Variants in LYST observed in about 807,000 individuals in gnomAD.
LYST encodes the protein lysosomal trafficking regulator.
A neutral mutation model predicts 413.6 loss-of-function variants in LYST; 192 were observed. The observed-to-expected ratio is 0.46, with a 90% CI of 0.41 to 0.52. LYST has a LOEUF of 0.52. Ranked by LOEUF, LYST falls within the 20% of genes least tolerant of loss-of-function variation. The pLI, the probability that LYST is intolerant of heterozygous loss-of-function variation, is 0.00. For missense variants in LYST, 3,815 were observed against 4,499.9 expected (o/e 0.85, Z 4.35); for synonymous variants, 1,525 against 1,567.3 (o/e 0.97, Z 0.64).
intron 44 of LYST, 116 bp from the exon 45 acceptor site, chr1:235,703,093 T>A (rs977663681): frequency 7.6e-6 from 6 of 792,042 alleles, no homozygotes; most frequent in Non-Finnish European, 1.3e-5. Flanking sequence ...GAAAAAATGC[T>A]TTTGTTCAGG....
Position 235,828,956 on chromosome 1 carries a change from G to GCA in LYST, c.192+1268_192+1269dup, listed in dbSNP as rs987700350. 31 of 581,498 alleles carry GCA rather than the reference G, an allele frequency of 5.3e-5. No homozygotes were observed. In the African/African-American group the frequency reaches 6.3e-4, roughly 12 times the overall value. 36.0% of individuals were successfully genotyped at this position (581,498 alleles called of 1,614,324 possible). On this transcript the variant is annotated intron_variant, in intron 3 of 52. Coordinates refer to ENST00000389793, the MANE Select transcript of LYST (RefSeq NM_000081.4). ...GCAGTGGCTCACACCTGTAATCCCA[G>GCA]CACTTTGGGAGGCCAACGGGGGTAG...
At chr1:235,817,065 C>A (rs1034223307) in intron 3 of LYST, among the ~76,000 whole-genome samples, 3 of 151,852 alleles carry the variant, frequency 2.0e-5, no homozygotes, top group Non-Finnish European at 4.4e-5. Flanking sequence ...CCAAAGGACA[C>A]GAACAGACAC....
At position 235,804,611 on chromosome 1, in the gene LYST, T is replaced by C. The variant is rs764453675; in HGVS notation, c.3448A>G (p.Lys1150Glu). The change falls in exon 7 of 53, where the codon AAG (lysine) becomes GAG (glutamate). Residue 1150 changes from lysine (K) to glutamate (E), a missense_variant. Lys to Glu is a moderately conservative substitution (Grantham distance 56, BLOSUM62 1). Transcript: ENST00000389793. ...FEMRDHLSQSKVIETQLAKPL... is the reference protein window; with the variant it reads ...FEMRDHLSQSEVIETQLAKPL... Reference sequence around the variant, plus strand: ...TTTGCTAGTTGTGTTTCAATCACCTTTGACTGGGAAAGATGGTCCCTCATT... The same window carrying C: ...TTTGCTAGTTGTGTTTCAATCACCTCTGACTGGGAAAGATGGTCCCTCATT... 6.2e-6 allele frequency: 10 copies of C among 1,611,600 alleles called. No individual in the cohort carries two copies. The East Asian group carries it at 1.8e-4, about 29-fold the overall frequency.
chr1:235,842,314 T>C (rs889252902), intron 1 of LYST, among the ~76,000 whole-genome samples: 2 of 138,074 alleles, frequency 1.4e-5, no homozygotes, highest in Non-Finnish European at 3.2e-5. Flanking sequence ...GAGTACACAA[T>C]GTGGGAATGA....
intron 3 of LYST, among the ~76,000 whole-genome samples, chr1:235,818,389 G>T (rs1438509919): frequency 6.6e-6 from 1 of 152,152 alleles, no homozygotes; most frequent in African/African-American, 2.4e-5. Context: ...TCAGGCCCTA[G>T]TCCTCAGCAA....
chr1:235,720,527 G>T, intron 40 of LYST, 134 bp downstream of exon 40: 1 of 850,106 alleles, frequency 1.2e-6, no homozygotes, highest in Non-Finnish European at 1.9e-6. Context: ...GTTGAACCAG[G>T]GTGATAGGTA....
At chr1:235,711,431 C>T (rs1662393244) in intron 43 of LYST, among the ~76,000 whole-genome samples, 1 of 152,158 alleles carries the variant, frequency 6.6e-6, no homozygotes, top group South Asian at 2.1e-4. Context: ...TTGCCCAACA[C>T]CAACTTCTTA....
intron 10 of LYST, among the ~76,000 whole-genome samples, chr1:235,794,717 T>C (rs1185026179): frequency 1.3e-5 from 2 of 152,194 alleles, no homozygotes; most frequent in Admixed American, 1.3e-4. Flanking sequence ...AGCAAAATAG[T>C]ACATACATCT....
intron 47 of LYST, among the ~76,000 whole-genome samples, chr1:235,687,293 T>C (rs1660295414): frequency 6.6e-6 from 1 of 152,210 alleles, no homozygotes. Context: ...GCATAGTCTA[T>C]GTCTATACGT....
At chr1:235,737,916 A>AAAGAGGATGT in intron 31 of LYST, 1 of 1,163,406 alleles carries the variant, frequency 8.6e-7, no homozygotes, top group Non-Finnish European at 1.1e-6. Flanking sequence ...GCTGCCGACG[A>AAAGAGGATGT]GTCTGGATCT....
chr1:235,872,169 G>A (rs1379673004), intron 1 of LYST, among the ~76,000 whole-genome samples: 1 of 152,016 alleles, frequency 6.6e-6, no homozygotes, highest in Non-Finnish European at 1.5e-5. Context: ...AGTGGCACAT[G>A]CATGTAGTCT....
intron 29 of LYST, among the ~76,000 whole-genome samples, chr1:235,745,486 C>T (rs1278133931): frequency 6.6e-6 from 1 of 152,132 alleles, no homozygotes; most frequent in Non-Finnish European, 1.5e-5. Context: ...AAATGTAAAA[C>T]TACAGCCACT....
In LYST at chr1:235,766,067, GATT is replaced by G. The variant is rs1668114611; in HGVS notation, c.6121+9_6121+11del. 4 of 1,594,470 alleles carry G rather than the reference GATT, an allele frequency of 2.5e-6. No individual in the cohort carries two copies. In the East Asian group the frequency reaches 8.9e-5, roughly 36 times the overall value. On this transcript the variant is annotated intron_variant, in intron 21 of 52. Transcript: ENST00000389793. ...GAAATAGCCATGATCTAACAAAAAT[GATT>G]ATACCTACCTATGTGCAAAGAAAAG...
At chr1:235,699,370 G>A (rs190728010) in intron 45 of LYST, among the ~76,000 whole-genome samples, 2 of 152,240 alleles carry the variant, frequency 1.3e-5, no homozygotes, top group African/African-American at 4.8e-5. Context: ...AGTTTGCTGA[G>A]GATGAGGGCT....
chr1:235,808,189 A>AT (rs1673071780), intron 5 of LYST, among the ~76,000 whole-genome samples: 2 of 152,358 alleles, frequency 1.3e-5, no homozygotes, highest in South Asian at 4.1e-4. Context: ...CTCTATAAAC[A>AT]GCTCAGTAAA....
chr1:235,677,152 G>A lies in LYST; in HGVS notation c.10977C>T (p.Ser3659=), dbSNP rs1295832878. 21 of 1,613,906 alleles carry A rather than the reference G, an allele frequency of 1.3e-5. No individual in the cohort carries two copies. The highest frequency in any genetic ancestry group is 1.7e-5 in the Non-Finnish European group (20 of 1,179,850). The change falls in exon 50 of 53, where the codon AGC becomes AGT. Residue 3659 remains serine (S), a synonymous_variant. Coordinates refer to ENST00000389793, the MANE Select transcript of LYST (RefSeq NM_000081.4). ...CACTGGCAGAGACAGCTGTGACAGG[G>A]CTTTTGTGTCCCGCCAGACTTTGTA... ...CYVQSLAGHK[S]PVTAVSASET...
chr1:235,773,857 T>A lies in LYST; in HGVS notation c.5769A>T (p.Ile1923=). 6.2e-7 allele frequency: 1 copy of A among 1,612,408 alleles called. No individual in the cohort carries two copies. The highest frequency in any genetic ancestry group is 2.2e-5 in the East Asian group (1 of 44,722). The change falls in exon 19 of 53, where the codon ATA becomes ATT. Residue 1923 remains isoleucine, a synonymous_variant. Coordinates refer to ENST00000389793, the MANE Select transcript of LYST (RefSeq NM_000081.4). ...LLEELLLDWK[I]WSKAEQGVWE... ...TATTACATGCCTCTGCTTTACTCCA[T>A]ATCTTCCAGTCAAGCAATAGTTCCT...
intron 17 of LYST, among the ~76,000 whole-genome samples, chr1:235,776,387 T>C (rs149258083): frequency 6.6e-6 from 1 of 152,146 alleles, no homozygotes; most frequent in Non-Finnish European, 1.5e-5. Flanking sequence ...CTTGATAATG[T>C]TGCAAAAGTT....
intron 25 of LYST, 86 bp from the exon 26 acceptor site, chr1:235,753,360 CT>C: frequency 1.2e-6 from 1 of 863,016 alleles, no homozygotes; most frequent in Non-Finnish European, 1.9e-6. Flanking sequence ...ATCTTGCTAA[CT>C]TGATTTTGAA....
Sources: gnomAD v4.1 joint callset for allele counts (sites outside exome capture counted in the v4.1 genomes callset) on GRCh38, gnomAD v4.1.1 for gene constraint, MANE v1.5 for transcripts, NCBI Gene and HGNC (gene_info 2026-07-23, HGNC 2026-07-21) for gene names.